Variants in SLCO3A1 observed in about 807,000 individuals in gnomAD.
The protein encoded by SLCO3A1 is PGE1 transporter.
SLCO3A1 carries 27 observed loss-of-function variants against 63.1 expected under a neutral mutation model. The ratio of observed to expected loss-of-function variants is 0.43; its 90% confidence interval spans 0.32 to 0.59. SLCO3A1 has a LOEUF of 0.59. SLCO3A1 is among the 20% of genes least tolerant of loss of function. SLCO3A1 has a pLI of 0.09. For missense variants in SLCO3A1, 773 were observed against 945.8 expected (o/e 0.82, Z 2.40); for synonymous variants, 473 against 409.9 (o/e 1.15, Z -1.86).
At chr15:92,004,993 T>C (rs1187785658) in intron 2 of SLCO3A1, among the ~76,000 whole-genome samples, 1 of 152,224 alleles carries the variant, frequency 6.6e-6, no homozygotes, top group Admixed American at 6.5e-5. Flanking sequence ...AACTCTCTTA[T>C]TGAACCCTAA....
At chr15:92,051,557 C>G (rs1432645711) in intron 2 of SLCO3A1, among the ~76,000 whole-genome samples, 2 of 151,992 alleles carry the variant, frequency 1.3e-5, no homozygotes, top group Non-Finnish European at 2.9e-5. Context: ...TTATTAGGAG[C>G]CAAGCCTGGA....
chr15:92,018,462 C>G (rs1300153259), intron 2 of SLCO3A1, among the ~76,000 whole-genome samples: 4 of 152,212 alleles, frequency 2.6e-5, no homozygotes, highest in African/African-American at 7.2e-5. Context: ...CCACCAGCAT[C>G]TCTCATGGCA....
intron 5 of SLCO3A1, among the ~76,000 whole-genome samples, chr15:92,123,788 T>C (rs2047890379): frequency 6.6e-6 from 1 of 152,258 alleles, no homozygotes; most frequent in South Asian, 2.1e-4. Flanking sequence ...GCTTCAACTT[T>C]GGGCAGTGCT....
At chr15:92,171,846 C>A (rs865947375) in exon 11 of SLCO3A1, 1 of 1,551,434 alleles carries the variant, frequency 6.4e-7, no homozygotes, top group Non-Finnish European at 8.7e-7. Context: ...TCAGAAGACT[C>A]CTTTGTGAGA....
At chr15:92,080,341 C>G (rs1315436628) in intron 2 of SLCO3A1, among the ~76,000 whole-genome samples, 1 of 151,482 alleles carries the variant, frequency 6.6e-6, no homozygotes, top group East Asian at 1.9e-4. Context: ...TAAACAGGGT[C>G]TCTGCTTTTC....
In SLCO3A1 at chr15:91,865,828, G is replaced by A. The variant is rs1439485623; in HGVS notation, c.180+11740G>A. Among the ~76,000 whole-genome samples, 1 of 152,226 alleles carries A rather than the reference G, an allele frequency of 6.6e-6. No individual in the cohort carries two copies. The highest frequency in any genetic ancestry group is 1.5e-5 in the Non-Finnish European group (1 of 68,048). ...ACAGGCACTAAGAGTTAGGACTTCAGTTTATCTTTTTGGGGAAAACAAATC... is the reference window on the plus strand; with the variant it reads ...ACAGGCACTAAGAGTTAGGACTTCAATTTATCTTTTTGGGGAAAACAAATC... On this transcript the variant is annotated intron_variant, in intron 1 of 9. Coordinates refer to ENST00000318445, the MANE Select transcript of SLCO3A1 (RefSeq NM_013272.4). The surrounding 1 kb of genome is among the most constrained non-coding windows in gnomAD (Gnocchi z 4.6).
chr15:92,065,673 C>T (rs546698139), intron 2 of SLCO3A1, among the ~76,000 whole-genome samples: 8 of 152,214 alleles, frequency 5.3e-5, no homozygotes, highest in African/African-American at 1.9e-4. Flanking sequence ...GCTCAAACCC[C>T]TTTATAGCTC....
chr15:91,923,329 CCCTTGGAACCTGATTTTCAG>C (rs1255521362), intron 2 of SLCO3A1, among the ~76,000 whole-genome samples: 19 of 152,182 alleles, frequency 1.2e-4, no homozygotes, highest in African/African-American at 4.6e-4. Flanking sequence ...TGGACAAGAG[CCCTTGGAACCTGATTTTCAG>C]CCTGGGATGT....
chr15:91,906,235 T>TCTGATG (rs60088840), intron 1 of SLCO3A1, among the ~76,000 whole-genome samples: 6,482 of 152,344 alleles, frequency 0.043, 449 homozygotes, highest in African/African-American at 0.15. Flanking sequence ...CAGAGCTTGC[T>TCTGATG]AGACACTTGT....
Position 92,146,897 on chromosome 15 carries a change from G to A in SLCO3A1, c.1513-87G>A, listed in dbSNP as rs1317338877. ...TGGAATGCCACAGAATGTGTAATTA[G>A]GCTGTGACAGATTCAGCTGATGGAT... is the stretch of plus-strand genomic sequence containing the variant. On this transcript the variant is annotated intron_variant, in intron 7 of 9. Coordinates refer to ENST00000318445, the MANE Select transcript of SLCO3A1 (RefSeq NM_013272.4). The A allele has an allele frequency of 4.0e-6, 5 of 1,236,956 alleles. No individual in the cohort carries two copies. The African/African-American group carries it at 4.5e-5, about 11-fold the overall frequency. The allele number at this position is 1,236,956 out of a possible 1,614,324, so 76.6% of individuals were successfully genotyped here.
chr15:92,126,057 C>A lies in SLCO3A1; in HGVS notation c.1175-4C>A. On this transcript the variant is annotated splice_region_variant and splice_polypyrimidine_tract_variant and intron_variant, in intron 5 of 9. Coordinates refer to ENST00000318445, the MANE Select transcript of SLCO3A1 (RefSeq NM_013272.4). ...ACAGCCCTGCCCCTCTATTTTCCTT[C>A]CAGGGATGACTGCGATCCCGTGTGC... The A allele has an allele frequency of 6.2e-7, 1 of 1,613,676 alleles. No homozygotes were observed. Among genetic ancestry groups the A allele is most frequent in the African/African-American group, 1.3e-5 (1 of 74,968 alleles).
At chr15:91,914,718 T>C (rs1449835002) in intron 1 of SLCO3A1, among the ~76,000 whole-genome samples, 1 of 152,024 alleles carries the variant, frequency 6.6e-6, no homozygotes, top group Non-Finnish European at 1.5e-5. Context: ...ATTATAGGTA[T>C]GCACCACCAC....
intron 2 of SLCO3A1, among the ~76,000 whole-genome samples, chr15:91,923,632 C>T (rs996197010): frequency 5.3e-5 from 8 of 152,062 alleles, no homozygotes; most frequent in African/African-American, 1.2e-4. Flanking sequence ...TTTTAAATAA[C>T]GTATTCTTAT....
rs1264494858 is a variant in SLCO3A1, at chr15:91,881,626, A to T, written c.180+27538A>T. Among the ~76,000 whole-genome samples the T allele has an allele frequency of 2.6e-5, 4 of 152,310 alleles. No individual in the cohort carries two copies. In the South Asian group the frequency reaches 8.3e-4, roughly 32 times the overall value. On this transcript the variant is annotated intron_variant, in intron 1 of 9. Transcript: ENST00000318445. ...CTTGAGATGAAGTTAAAAGCCACTCAGAGAAACCGTTGGATCAGAAGCTTT... is the reference window on the plus strand; with the variant it reads ...CTTGAGATGAAGTTAAAAGCCACTCTGAGAAACCGTTGGATCAGAAGCTTT...
rs926056835 is a variant in SLCO3A1 at position 91,942,359 on chromosome 15, C to T, written c.646+25901C>T. Among the ~76,000 whole-genome samples, 2 of 152,144 alleles carry T rather than the reference C, an allele frequency of 1.3e-5. No homozygotes were observed. Among genetic ancestry groups the T allele is most frequent in the African/African-American group, 4.8e-5 (2 of 41,418 alleles). On this transcript the variant is annotated intron_variant, in intron 2 of 9. Coordinates refer to ENST00000318445, the MANE Select transcript of SLCO3A1 (RefSeq NM_013272.4). The surrounding 1 kb of genome is among the most constrained non-coding windows in gnomAD (Gnocchi z 4.1). ...GATATGAGAACACACACCTGTCCAT[C>T]GTTGAGATTTTGTTTTATGTATATT...
At chr15:92,042,520 C>T (rs889452073) in intron 2 of SLCO3A1, among the ~76,000 whole-genome samples, 6 of 152,110 alleles carry the variant, frequency 3.9e-5, no homozygotes, top group Non-Finnish European at 8.8e-5. Context: ...GGCCCTACAC[C>T]GGGCACTGGG....
intron 2 of SLCO3A1, among the ~76,000 whole-genome samples, chr15:91,959,007 A>G (rs1900338257): frequency 6.6e-6 from 1 of 152,212 alleles, no homozygotes; most frequent in South Asian, 2.1e-4. Flanking sequence ...CTGCAAGGAT[A>G]TGGAACCAAC....
intron 3 of SLCO3A1, among the ~76,000 whole-genome samples, chr15:92,101,706 T>C (rs1359463111): frequency 1.3e-5 from 2 of 152,004 alleles, no homozygotes; most frequent in East Asian, 3.9e-4. Context: ...ATAATTGAAA[T>C]GGAGAAAAAA....
intron 2 of SLCO3A1, among the ~76,000 whole-genome samples, chr15:92,014,467 G>A (rs2046403453): frequency 6.6e-6 from 1 of 152,048 alleles, no homozygotes; most frequent in Non-Finnish European, 1.5e-5. Context: ...GCTATTATGG[G>A]CACCAAACTA....
Sources: gnomAD v4.1 joint callset for allele counts (sites outside exome capture counted in the v4.1 genomes callset) on GRCh38, gnomAD v4.1.1 for gene constraint, Gnocchi (gnomAD v3.1) non-coding constraint, MANE v1.5 for transcripts, NCBI Gene and HGNC (gene_info 2026-07-23, HGNC 2026-07-21) for gene names.